Variants in HYDIN observed in about 807,000 individuals in gnomAD.
HYDIN encodes HYDIN axonemal central pair apparatus protein.
HYDIN carries 132 observed loss-of-function variants against 403.9 expected under a neutral mutation model. The ratio of observed to expected loss-of-function variants is 0.33; its 90% confidence interval spans 0.28 to 0.38. HYDIN has a LOEUF of 0.38. HYDIN is among the 10% of genes least tolerant of loss of function. The pLI is 1.00. For synonymous variants in HYDIN, 1,202 were observed against 1,891.7 expected (o/e 0.64, Z 9.46); for missense variants, 2,827 against 5,009.5 (o/e 0.56, Z 13.15).
chr16:71,153,464 C>T (rs1195695204), intron 6 of HYDIN, among the ~76,000 whole-genome samples: 2 of 151,600 alleles, frequency 1.3e-5, no homozygotes, highest in African/African-American at 2.4e-5. Flanking sequence ...TTTTTAAAAC[C>T]GCAAGGAGAG....
chr16:70,949,576 T>C (rs1388584678), intron 41 of HYDIN, among the ~76,000 whole-genome samples: 1 of 152,254 alleles, frequency 6.6e-6, no homozygotes, highest in Non-Finnish European at 1.5e-5. Context: ...ATCTTCATTA[T>C]GTAATATACT....
chr16:70,917,150 G>T (rs2143802953), intron 47 of HYDIN, among the ~76,000 whole-genome samples: 1 of 152,278 alleles, frequency 6.6e-6, no homozygotes, highest in South Asian at 2.1e-4. Context: ...TCAAACATCT[G>T]GGCTCAAGCA....
rs1190888559 is a variant in HYDIN at position 71,184,933 on chromosome 16, T to C, written c.193A>G (p.Lys65Glu). Residue 65 changes from lysine to glutamate, a missense_variant, in exon 3 of 86, where the codon AAA becomes GAA. Physicochemically the swap from Lys to Glu is moderately conservative, Grantham distance 56 (BLOSUM62 1). Coordinates refer to ENST00000393567, the MANE Select transcript of HYDIN (RefSeq NM_001270974.2). ...TGTGGTCGGCACATCAAACGTGTTT[T>C]TGCCAGTCTCTGCTCGGTGGTCAGG... The part of the protein sequence containing the change: ...MSLTTEQRLA[K>E]TRLMCRPQII... 2 of 1,611,674 alleles carry C rather than the reference T, an allele frequency of 1.2e-6. No homozygotes were observed. Among genetic ancestry groups the C allele is most frequent in the Admixed American group, 3.3e-5 (2 of 59,936 alleles).
At position 71,174,555 on chromosome 16, in the gene HYDIN, TCTC is replaced by T. The variant is rs1393824446; in HGVS notation, c.516+1049_516+1051del. 5.3e-5 allele frequency among the ~76,000 whole-genome samples: 8 copies of T among 152,206 alleles called. No homozygotes were observed. In the East Asian group the frequency reaches 1.4e-3, roughly 26 times the overall value. ...CCTTCAATCATGCTGGTAAAACTCT[TCTC>T]CTCCTCCTAAGTCCCCATTTAGGCC... On this transcript the variant is annotated intron_variant, in intron 5 of 85. Transcript: ENST00000393567.
chr16:70,928,046 T>C (rs1447378017), intron 45 of HYDIN, among the ~76,000 whole-genome samples: 1 of 148,564 alleles, frequency 6.7e-6, no homozygotes, highest in Non-Finnish European at 1.5e-5. Context: ...AGTTAAAGAG[T>C]GTTTAGGAGG....
At chr16:70,896,557 T>C (rs13334276) in intron 53 of HYDIN, among the ~76,000 whole-genome samples, 5,509 of 151,822 alleles carry the variant, frequency 0.036, 311 homozygotes, top group African/African-American at 0.12. Context: ...GGTTTCACCA[T>C]GTTGCCTAGG....
intron 12 of HYDIN, among the ~76,000 whole-genome samples, chr16:71,086,082 C>A (rs1296545600): frequency 4.6e-5 from 7 of 152,026 alleles, no homozygotes; most frequent in Admixed American, 2.6e-4. Context: ...TCTATTCCTC[C>A]ATTACTGCCT....
At chr16:71,008,524 G>C (rs1260474931) in intron 23 of HYDIN, among the ~76,000 whole-genome samples, 1 of 152,134 alleles carries the variant, frequency 6.6e-6, no homozygotes, top group Non-Finnish European at 1.5e-5. Flanking sequence ...TGAAGATTTG[G>C]CCATATACAT....
intron 77 of HYDIN, 38 bp downstream of exon 77, chr16:70,837,652 A>T: frequency 6.2e-7 from 1 of 1,612,218 alleles, no homozygotes; most frequent in Middle Eastern, 1.7e-4. Flanking sequence ...GGTAGAAAGG[A>T]GGGTGCCACG....
chr16:71,211,895 G>A (rs945190419), intron 1 of HYDIN, among the ~76,000 whole-genome samples: 9 of 152,088 alleles, frequency 5.9e-5, no homozygotes, highest in African/African-American at 2.2e-4. Flanking sequence ...TATGTTTGAA[G>A]TACTAACATA....
chr16:71,069,092 G>C (rs917339619), intron 14 of HYDIN, among the ~76,000 whole-genome samples, 175 bp downstream of exon 14: 7 of 151,322 alleles, frequency 4.6e-5, no homozygotes, highest in Non-Finnish European at 7.4e-5. Flanking sequence ...CCATTGCTTT[G>C]CCCAATGTAT....
intron 45 of HYDIN, among the ~76,000 whole-genome samples, chr16:70,933,055 T>G (rs530018299): frequency 6.6e-6 from 1 of 151,932 alleles, no homozygotes; most frequent in South Asian, 2.1e-4. Flanking sequence ...TTTATGTTTC[T>G]GCAAACTGTG....
At chr16:70,888,637 A>T (rs1307986704) in intron 58 of HYDIN, among the ~76,000 whole-genome samples, 1 of 151,594 alleles carries the variant, frequency 6.6e-6, no homozygotes, top group African/African-American at 2.4e-5. Flanking sequence ...ATGGTTCCCC[A>T]TGTGGTATCT....
chr16:70,882,610 C>T (rs2040877767), intron 60 of HYDIN, 50 bp downstream of exon 60: 1 of 1,367,326 alleles, frequency 7.3e-7, no homozygotes, highest in Non-Finnish European at 1.0e-6. Context: ...AGCCCTTTTT[C>T]CAGCTTTATG....
At chr16:70,840,483 A>G (rs905352512) in intron 75 of HYDIN, among the ~76,000 whole-genome samples, 2 of 152,030 alleles carry the variant, frequency 1.3e-5, no homozygotes, top group Non-Finnish European at 2.9e-5. Context: ...TCAGGGGTAT[A>G]CCAGGCACTG....
At chr16:71,179,088 G>A in intron 3 of HYDIN, 41 bp from the exon 4 acceptor site, 3 of 1,526,908 alleles carry the variant, frequency 2.0e-6, no homozygotes, top group Middle Eastern at 3.8e-4. Context: ...GTCACACATT[G>A]ACAAAAATGA....
intron 38 of HYDIN, among the ~76,000 whole-genome samples, chr16:70,960,057 G>A (rs1478748899): frequency 6.6e-6 from 1 of 152,162 alleles, no homozygotes; most frequent in Non-Finnish European, 1.5e-5. Flanking sequence ...TTCATTTTGG[G>A]GAATCTCTCT....
chr16:71,210,859 TTAG>T (rs141680062), intron 1 of HYDIN, among the ~76,000 whole-genome samples: 78 of 152,222 alleles, frequency 5.1e-4, no homozygotes, highest in Admixed American at 1.2e-3. Flanking sequence ...TAGTTTATTG[TTAG>T]TAGTCATATT....
intron 18 of HYDIN, among the ~76,000 whole-genome samples, chr16:71,050,392 T>C (rs1353231319): frequency 1.6e-5 from 2 of 128,298 alleles, no homozygotes; most frequent in Non-Finnish European, 3.6e-5. Flanking sequence ...ATCTCTAGCA[T>C]TAGAAAGACA....
Sources: gnomAD v4.1 joint callset for allele counts (sites outside exome capture counted in the v4.1 genomes callset) on GRCh38, gnomAD v4.1.1 for gene constraint, MANE v1.5 for transcripts, NCBI Gene and HGNC (gene_info 2026-07-23, HGNC 2026-07-21) for gene names.